GALNTL6: variants seen among roughly 807,000 people sequenced by gnomAD.
GALNTL6 encodes polypeptide N-acetylgalactosaminyltransferase-like 6.
A neutral mutation model predicts 73.7 loss-of-function variants in GALNTL6; 46 were observed. That is an observed-to-expected ratio of 0.62 (90% CI 0.49 to 0.80). The LOEUF is 0.80. Among genes scored for constraint, GALNTL6 ranks in the 30% least tolerant of loss-of-function variants. The pLI is 0.00. For missense variants in GALNTL6, 604 were observed against 755.0 expected, an observed-to-expected ratio of 0.80 and a Z score of 2.34; for synonymous variants, 259 against 263.7, an observed-to-expected ratio of 0.98 and a Z score of 0.17.
rs370393444 is a variant in GALNTL6, at chr4:171,950,903, T to G, written c.138+136185T>G. Among the ~76,000 whole-genome samples, 6 of 151,878 alleles carry G rather than the reference T, an allele frequency of 4.0e-5. No individual in the cohort carries two copies. In the East Asian group the frequency reaches 1.2e-3, roughly 29 times the overall value. ...ATGGGTGTACAGAATTTAAAACTGA[T>G]AGAGAGAATGAAATGTAAAAAAGGA... On this transcript the variant is annotated intron_variant, in intron 2 of 12. Transcript: ENST00000506823.
intron 5 of GALNTL6, among the ~76,000 whole-genome samples, chr4:172,612,181 A>G (rs988635863): frequency 6.6e-6 from 1 of 152,078 alleles, no homozygotes; most frequent in South Asian, 2.1e-4. Flanking sequence ...AGAATTTTTA[A>G]AGTTGGGGGT....
chr4:172,615,556 T>C (rs964710092), intron 5 of GALNTL6, among the ~76,000 whole-genome samples: 3 of 152,192 alleles, frequency 2.0e-5, no homozygotes, highest in African/African-American at 4.8e-5. Flanking sequence ...CTCTTTCTAT[T>C]AAGTTCTCCT....
Position 172,229,729 on chromosome 4 carries a change from A to G in GALNTL6, c.212A>G (p.Asp71Gly), listed in dbSNP as rs749051811. 1 of 1,613,688 alleles carries G rather than the reference A, an allele frequency of 6.2e-7. No homozygotes were observed. Residue 71 changes from aspartate (D) to glycine (G), a missense_variant, in exon 3 of 13, where the codon GAC becomes GGC. Around this residue, in one of 5 missense-constraint regions of GALNTL6, gnomAD observed 141 missense variants for 156.6 expected, o/e 0.90. Transcript: ENST00000506823. ...TDGLRRKDWH[D>G]YESIQKEAMR... ...GGTTTGAGAAGAAAGGACTGGCATGACTATGAAAGCATTCAGAAAGAGGCT... is the reference window on the plus strand; with the variant it reads ...GGTTTGAGAAGAAAGGACTGGCATGGCTATGAAAGCATTCAGAAAGAGGCT...
intron 3 of GALNTL6, among the ~76,000 whole-genome samples, chr4:172,270,108 C>T (rs899113771): frequency 6.6e-6 from 1 of 152,056 alleles, no homozygotes; most frequent in East Asian, 1.9e-4. Flanking sequence ...CAGATTATCT[C>T]ACCATTATTT....
intron 3 of GALNTL6, among the ~76,000 whole-genome samples, chr4:172,308,689 A>C (rs751985911): frequency 6.6e-6 from 1 of 152,170 alleles, no homozygotes; most frequent in African/African-American, 2.4e-5. Flanking sequence ...ATGGAATGAC[A>C]TAGATCTAGT....
chr4:172,014,061 T>C (rs1741107965), intron 2 of GALNTL6, among the ~76,000 whole-genome samples: 1 of 152,148 alleles, frequency 6.6e-6, no homozygotes, highest in Admixed American at 6.6e-5. Context: ...TCATTCTTTT[T>C]TATGGCTCAG....
At chr4:172,368,267 G>A (rs1742642900) in intron 5 of GALNTL6, among the ~76,000 whole-genome samples, 1 of 152,086 alleles carries the variant, frequency 6.6e-6, no homozygotes, top group Non-Finnish European at 1.5e-5. Context: ...TGTAATCCCA[G>A]CTACTCGGGA....
intron 5 of GALNTL6, among the ~76,000 whole-genome samples, chr4:172,472,756 C>T (rs2111465886): frequency 6.6e-6 from 1 of 152,188 alleles, no homozygotes; most frequent in East Asian, 1.9e-4. Flanking sequence ...CCAAAGAATG[C>T]CTGGGGCTAC....
chr4:172,461,756 C>G (rs1732628168), intron 5 of GALNTL6, among the ~76,000 whole-genome samples: 1 of 152,090 alleles, frequency 6.6e-6, no homozygotes, highest in African/African-American at 2.4e-5. Context: ...TTTGGGCACT[C>G]TTGGGCACTA....
At chr4:172,903,134 A>G (rs1225486693) in intron 8 of GALNTL6, among the ~76,000 whole-genome samples, 1 of 151,942 alleles carries the variant, frequency 6.6e-6, no homozygotes, top group African/African-American at 2.4e-5. Flanking sequence ...TTTCCCCCTA[A>G]AAGTTCACAC....
intron 2 of GALNTL6, among the ~76,000 whole-genome samples, chr4:171,910,440 T>C (rs777492340): frequency 1.5e-4 from 23 of 152,082 alleles, no homozygotes; most frequent in Non-Finnish European, 2.8e-4. Context: ...TTATCCTTAT[T>C]CTTTTGACGT....
chr4:172,849,917 A>T (rs1348853915), intron 7 of GALNTL6, among the ~76,000 whole-genome samples: 1 of 152,120 alleles, frequency 6.6e-6, no homozygotes, highest in Non-Finnish European at 1.5e-5. Flanking sequence ...GGTTGTCGAG[A>T]ATCTTTAACA....
chr4:172,513,743 A>C (rs1316518242), intron 5 of GALNTL6, among the ~76,000 whole-genome samples: 1 of 152,186 alleles, frequency 6.6e-6, no homozygotes, highest in African/African-American at 2.4e-5. Flanking sequence ...AGTGTCTACA[A>C]AGAGCCCCAT....
At chr4:171,924,918 G>T (rs1028655652) in intron 2 of GALNTL6, among the ~76,000 whole-genome samples, 2 of 152,116 alleles carry the variant, frequency 1.3e-5, no homozygotes, top group African/African-American at 4.8e-5. Flanking sequence ...TGGAAATAAT[G>T]AGCTCCACCT....
intron 5 of GALNTL6, among the ~76,000 whole-genome samples, chr4:172,354,556 T>C (rs1472479586): frequency 6.6e-6 from 1 of 152,082 alleles, no homozygotes; most frequent in Non-Finnish European, 1.5e-5. Flanking sequence ...TGGTCAGATG[T>C]ATGAACATAC....
intron 5 of GALNTL6, among the ~76,000 whole-genome samples, chr4:172,484,784 G>T (rs1170935310): frequency 1.3e-5 from 2 of 152,054 alleles, no homozygotes; most frequent in South Asian, 2.1e-4. Context: ...CAAAACAGAA[G>T]AATAAGATTT....
intron 2 of GALNTL6, among the ~76,000 whole-genome samples, chr4:172,009,749 C>T (rs1249619471): frequency 6.6e-6 from 1 of 151,952 alleles, no homozygotes; most frequent in Non-Finnish European, 1.5e-5. Flanking sequence ...ACGTATGTGG[C>T]TTATTTTCCC....
intron 5 of GALNTL6, among the ~76,000 whole-genome samples, chr4:172,623,487 A>G (rs899616190): frequency 2.0e-5 from 3 of 152,252 alleles, no homozygotes; most frequent in Admixed American, 2.0e-4. Context: ...AGCCAGAAGG[A>G]CCATGTTTTT....
intron 2 of GALNTL6, among the ~76,000 whole-genome samples, chr4:172,084,088 A>T (rs1731959336): frequency 6.6e-6 from 1 of 152,216 alleles, no homozygotes; most frequent in South Asian, 2.1e-4. Flanking sequence ...TTTGAAGTAG[A>T]TCACAGAGTT....
Sources: gnomAD v4.1 joint callset for allele counts (sites outside exome capture counted in the v4.1 genomes callset) on GRCh38, gnomAD v4.1.1 for gene constraint, gnomAD v4.1.1 regional missense constraint, MANE v1.5 for transcripts, NCBI Gene and HGNC (gene_info 2026-07-23, HGNC 2026-07-21) for gene names.